Variants in RGS9 observed in about 807,000 individuals in gnomAD.
The protein encoded by RGS9 is regulator of G-protein signalling 9.
Under a neutral mutation model 102.0 loss-of-function variants are expected in RGS9, and 78 were observed. The observed-to-expected ratio is 0.76, with a 90% CI of 0.64 to 0.92. The LOEUF (loss-of-function observed/expected upper bound fraction) is 0.92, where lower values mean the gene tolerates loss of function less well. Among genes scored for constraint, RGS9 ranks in the 40% least tolerant of loss-of-function variants. RGS9 has a pLI of 0.00. For synonymous variants in RGS9, 353 were observed against 318.6 expected (o/e 1.11, Z -1.15); for missense variants, 833 against 866.1 (o/e 0.96, Z 0.48).
intron 17 of RGS9, among the ~76,000 whole-genome samples, chr17:65,214,333 A>G (rs891951516): frequency 6.6e-6 from 1 of 152,222 alleles, no homozygotes; most frequent in Non-Finnish European, 1.5e-5. Flanking sequence ...ACAAAAATGA[A>G]CAAAATGGTC....
chr17:65,190,728 C>A (rs572903445), intron 11 of RGS9, among the ~76,000 whole-genome samples: 1 of 152,180 alleles, frequency 6.6e-6, no homozygotes, highest in Admixed American at 6.5e-5. Context: ...CTTGACCCAG[C>A]CCCCCATAGG....
At chr17:65,177,055 G>GTCCATCCATCCATCCA (rs35750645) in intron 8 of RGS9, among the ~76,000 whole-genome samples, 3 of 132,972 alleles carry the variant, frequency 2.3e-5, no homozygotes, top group African/African-American at 8.9e-5. Context: ...TCATTTGTTT[G>GTCCATCCATCCATCCA]TCCATCCATC....
intron 17 of RGS9, among the ~76,000 whole-genome samples, chr17:65,217,310 C>G (rs1418662701): frequency 6.6e-6 from 1 of 152,212 alleles, no homozygotes; most frequent in Non-Finnish European, 1.5e-5. Context: ...ACCTGGGAGT[C>G]CCTCCTGGCC....
At chr17:65,167,308 TCTC>T (rs1911226656) in intron 7 of RGS9, among the ~76,000 whole-genome samples, 1 of 152,090 alleles carries the variant, frequency 6.6e-6, no homozygotes, top group African/African-American at 2.4e-5. Context: ...TTCAAACGAT[TCTC>T]CTGCCTCAGC....
intron 17 of RGS9, among the ~76,000 whole-genome samples, chr17:65,213,425 G>A (rs558635328): frequency 1.3e-5 from 2 of 152,268 alleles, no homozygotes; most frequent in East Asian, 3.9e-4. Context: ...CATTTGAGAA[G>A]CATGAAACCA....
chr17:65,158,893 C>T (rs539130566), intron 3 of RGS9: 75 of 241,364 alleles, frequency 3.1e-4, no homozygotes, highest in African/African-American at 1.6e-3. Flanking sequence ...TAGGGTGCCT[C>T]GCAGTGTCAG....
intron 9 of RGS9, among the ~76,000 whole-genome samples, chr17:65,183,904 T>C (rs978293193): frequency 6.6e-6 from 1 of 152,234 alleles, no homozygotes; most frequent in Admixed American, 6.5e-5. Context: ...CCCAGAGCTA[T>C]GTAAACAACA....
chr17:65,192,482 C>T (rs1202804076), intron 11 of RGS9, among the ~76,000 whole-genome samples: 1 of 151,892 alleles, frequency 6.6e-6, no homozygotes, highest in Admixed American at 6.6e-5. Context: ...CAGGTGGTGG[C>T]ACATGCCCGT....
intron 10 of RGS9, 98 bp downstream of exon 10, chr17:65,189,413 A>C: frequency 1.1e-6 from 1 of 906,740 alleles, no homozygotes; most frequent in Non-Finnish European, 1.9e-6. Context: ...TGAAATGAAA[A>C]CCACGTGCAA....
intron 7 of RGS9, among the ~76,000 whole-genome samples, chr17:65,164,130 T>C (rs868630949): frequency 1.3e-5 from 2 of 152,206 alleles, no homozygotes; most frequent in Middle Eastern, 3.4e-3. Flanking sequence ...TAGCCTATCA[T>C]TACAAACAGC....
intron 13 of RGS9, among the ~76,000 whole-genome samples, chr17:65,201,711 A>G (rs1567886380): frequency 2.0e-5 from 3 of 152,256 alleles, no homozygotes. Context: ...TGCTGCAAAC[A>G]TGGTAGGTGC....
intron 5 of RGS9, 99 bp from the exon 6 acceptor site, chr17:65,160,752 T>C (rs547829619): frequency 7.0e-7 from 1 of 1,429,420 alleles, no homozygotes; most frequent in East Asian, 2.3e-5. Context: ...TGCTGAGCGT[T>C]CTCTCCCCGA....
chr17:65,151,770 C>T (rs1910590628), intron 1 of RGS9, among the ~76,000 whole-genome samples: 2 of 152,192 alleles, frequency 1.3e-5, no homozygotes, highest in African/African-American at 2.4e-5. Flanking sequence ...CCTTAGTGAA[C>T]CTTTCAATCA....
chr17:65,221,444 G>A (rs1466239441), intron 17 of RGS9, among the ~76,000 whole-genome samples: 2 of 152,184 alleles, frequency 1.3e-5, no homozygotes, highest in Non-Finnish European at 2.9e-5. Context: ...ACAAAGCCGA[G>A]TTCCTAGTTT....
intron 8 of RGS9, among the ~76,000 whole-genome samples, chr17:65,175,539 C>A (rs1911593327): frequency 6.6e-6 from 1 of 152,096 alleles, no homozygotes; most frequent in Non-Finnish European, 1.5e-5. Flanking sequence ...ACTGGGAGTG[C>A]CTCAGTAATG....
intron 16 of RGS9, among the ~76,000 whole-genome samples, chr17:65,209,749 C>T (rs1327546424): frequency 6.6e-6 from 1 of 152,208 alleles, no homozygotes; most frequent in African/African-American, 2.4e-5. Flanking sequence ...GACAGTCCAG[C>T]TCTTTCCTTC....
At chr17:65,221,338 C>T (rs1461492101) in intron 17 of RGS9, among the ~76,000 whole-genome samples, 1 of 152,150 alleles carries the variant, frequency 6.6e-6, no homozygotes. Flanking sequence ...GCATCATATC[C>T]ATGAACCTCA....
chr17:65,152,875 C>G (rs1367782875), intron 1 of RGS9, among the ~76,000 whole-genome samples: 3 of 152,200 alleles, frequency 2.0e-5, no homozygotes, highest in Non-Finnish European at 4.4e-5. Context: ...TTGAATAGGT[C>G]ACTGCACTTT....
chr17:65,206,285 A>G (rs1345712945), intron 15 of RGS9, among the ~76,000 whole-genome samples: 2 of 152,218 alleles, frequency 1.3e-5, no homozygotes, highest in African/African-American at 4.8e-5. Flanking sequence ...TGTGTTTTGA[A>G]TCAGTGGCTG....
Sources: gnomAD v4.1 joint callset for allele counts (sites outside exome capture counted in the v4.1 genomes callset) on GRCh38, gnomAD v4.1.1 for gene constraint, MANE v1.5 for transcripts, NCBI Gene and HGNC (gene_info 2026-07-23, HGNC 2026-07-21) for gene names.